Variants in DLEC1 observed in about 807,000 individuals in gnomAD.
DLEC1 encodes the protein deleted in lung and esophageal cancer protein 1.
DLEC1 carries 146 observed loss-of-function variants against 198.1 expected under a neutral mutation model. That is an observed-to-expected ratio of 0.74 (90% CI 0.64 to 0.85). The LOEUF is 0.85. Ranked by LOEUF, DLEC1 falls within the 40% of genes least tolerant of loss-of-function variation. DLEC1 has a pLI of 0.00. For missense variants in DLEC1, 2,233 were observed against 2,220.0 expected (o/e 1.01, Z -0.12); for synonymous variants, 897 against 866.8 (o/e 1.03, Z -0.61).
chr3:38,117,682 G>A, intron 32 of DLEC1, 71 bp downstream of exon 32: 1 of 1,608,168 alleles, frequency 6.2e-7, no homozygotes, highest in Non-Finnish European at 8.5e-7. Flanking sequence ...GCCCTTGTGG[G>A]ACTCAGGCCT....
At chr3:38,047,132 G>T (rs1312301564) in intron 2 of DLEC1, among the ~76,000 whole-genome samples, 1 of 152,192 alleles carries the variant, frequency 6.6e-6, no homozygotes, top group Non-Finnish European at 1.5e-5. Flanking sequence ...AATTATAATT[G>T]ATTAGCATTT....
Position 38,039,331 on chromosome 3 carries a change from C to A in DLEC1, c.106C>A (p.Pro36Thr), listed in dbSNP as rs781757550. The stretch of plus-strand genomic sequence containing the variant: ...TTCGCCACCAGCCGGGTCCAGCAGC[C>A]CCAGCCAGCCCACCTGGAAGTCCTC... ...PTSPPAGSSS[P>T]SQPTWKSSLY... Residue 36 changes from proline (P) to threonine (T), a missense_variant, in exon 1 of 37, where the codon CCC becomes ACC. Pro to Thr is a conservative substitution (Grantham distance 38). Transcript: ENST00000308059. 1 of 1,614,204 alleles carries A rather than the reference C, an allele frequency of 6.2e-7. No individual in the cohort carries two copies. Among genetic ancestry groups the A allele is most frequent in the South Asian group, 1.1e-5 (1 of 91,086 alleles).
intron 6 of DLEC1, among the ~76,000 whole-genome samples, chr3:38,079,935 A>T (rs1244651854): frequency 6.6e-6 from 1 of 152,110 alleles, no homozygotes; most frequent in Non-Finnish European, 1.5e-5. Flanking sequence ...GCTGGAATTT[A>T]ATTTTTGGAG....
chr3:38,076,116 G>C lies in DLEC1; in HGVS notation c.1174-8042G>C, dbSNP rs187851381. Reference sequence around the variant, plus strand: ...TCTCTACCAGAAAATGAAAGGAATTGAAATTAAGAGAAGGGAGAGATTGAA... The same window carrying C: ...TCTCTACCAGAAAATGAAAGGAATTCAAATTAAGAGAAGGGAGAGATTGAA... On this transcript the variant is annotated intron_variant, in intron 6 of 36. Transcript: ENST00000308059. Among the ~76,000 whole-genome samples the C allele has an allele frequency of 5.9e-3, 906 of 152,316 alleles. 6 individuals carry two copies. Among genetic ancestry groups the C allele is most frequent in the Non-Finnish European group, 0.011 (728 of 68,020 alleles).
intron 2 of DLEC1, among the ~76,000 whole-genome samples, chr3:38,050,596 C>T (rs1266900820): frequency 6.6e-6 from 1 of 151,912 alleles, no homozygotes; most frequent in East Asian, 1.9e-4. Context: ...TCACTCCCTG[C>T]CTGCCCCCAC....
At chr3:38,108,841 C>T (rs1459942697) in intron 21 of DLEC1, among the ~76,000 whole-genome samples, 1 of 152,238 alleles carries the variant, frequency 6.6e-6, no homozygotes, top group African/African-American at 2.4e-5. Context: ...AGATCCAGAG[C>T]AGAGCTGTTG....
chr3:38,045,601 C>T lies in DLEC1; in HGVS notation c.470C>T (p.Thr157Ile). The part of the protein sequence containing the change: ...DEFEMLERHI[T>I]QAQARAIAEN... ...TTTGAAATGTTGGAGAGACATATCA[C>T]TCAGGCCCAAGCACGGGCTATTGCG... The change falls in exon 2 of 37, where the codon ACT becomes ATT. Residue 157 changes from threonine (T) to isoleucine (I), a missense_variant. By Grantham distance (89) the Thr-to-Ile change is moderately conservative. Transcript: ENST00000308059. 1 of 1,614,144 alleles carries T rather than the reference C, an allele frequency of 6.2e-7. No individual in the cohort carries two copies. The highest frequency in any genetic ancestry group is 8.5e-7 in the Non-Finnish European group (1 of 1,180,020).
intron 35 of DLEC1, 69 bp from the exon 36 acceptor site, chr3:38,122,002 G>T: frequency 6.3e-7 from 1 of 1,591,344 alleles, no homozygotes; most frequent in Non-Finnish European, 8.6e-7. Flanking sequence ...CCCGGGGGTG[G>T]GTAAAGTCTT....
chr3:38,122,446 C>A lies in DLEC1; in HGVS notation c.*34C>A, dbSNP rs1475286820. The A allele has an allele frequency of 1.2e-6, 2 of 1,614,100 alleles. No homozygotes were observed. Among genetic ancestry groups the A allele is most frequent in the Non-Finnish European group, 1.7e-6 (2 of 1,180,018 alleles). ...CCCAGCCCTCAGCCCCAGGCCCCAG[C>A]TGGAGAAAAAACATTGCCCAGGGAT... On this transcript the variant is annotated 3_prime_UTR_variant, in exon 37 of 37. Transcript: ENST00000308059.
chr3:38,117,664 C>G (rs1483658811), intron 32 of DLEC1, 53 bp downstream of exon 32: 1 of 1,612,020 alleles, frequency 6.2e-7, no homozygotes, highest in Non-Finnish European at 8.5e-7. Flanking sequence ...CCTCAGATGT[C>G]TCTGTGTGCC....
Position 38,116,555 on chromosome 3 carries a change from C to A in DLEC1, c.3959C>A (p.Ala1320Asp). The change falls in exon 28 of 37, where the codon GCC becomes GAC. Residue 1320 changes from alanine to aspartate, a missense_variant. Transcript: ENST00000308059. ...YGPPFPLRDQ[A>D]GNELVCPDTP... The stretch of plus-strand genomic sequence containing the variant: ...CCACCTTTCCCGCTGCGGGACCAAG[C>A]CGGGAATGAGCTTGTGTGCCCTGAT... 1 of 1,614,128 alleles carries A rather than the reference C, an allele frequency of 6.2e-7. No individual in the cohort carries two copies. The highest frequency in any genetic ancestry group is 8.5e-7 in the Non-Finnish European group (1 of 1,180,000).
intron 23 of DLEC1, among the ~76,000 whole-genome samples, chr3:38,111,413 C>A (rs1699870160): frequency 6.6e-6 from 1 of 152,152 alleles, no homozygotes; most frequent in African/African-American, 2.4e-5. Flanking sequence ...TGCTTCAGAG[C>A]CCGCCTGGGT....
At position 38,100,307 on chromosome 3, in the gene DLEC1, C is replaced by G. The variant is rs1440100252; in HGVS notation, c.2746C>G (p.Pro916Ala). 5 of 1,612,738 alleles carry G rather than the reference C, an allele frequency of 3.1e-6. No individual in the cohort carries two copies. The highest frequency in any genetic ancestry group is 1.1e-5 in the South Asian group (1 of 90,906). Reference protein sequence around the residue: ...PEDVSPFDIEPSSGQLHSLGE... With the variant: ...PEDVSPFDIEASSGQLHSLGE... ...GCAGGTGTCTCCCTTCGACATTGAG[C>G]CTTCGAGTGGCCAGCTTCACTCTCT... Residue 916 changes from proline to alanine, a missense_variant, in exon 19 of 37, where the codon CCT (proline) becomes GCT (alanine). Pro to Ala is a conservative substitution (Grantham distance 27, BLOSUM62 -1). Transcript: ENST00000308059.
chr3:38,122,043 CAT>C (rs1481088587), intron 35 of DLEC1, 26 bp from the exon 36 acceptor site: 1 of 1,611,578 alleles, frequency 6.2e-7, no homozygotes. Flanking sequence ...TGCCTGCACT[CAT>C]GTGTCTTCCC....
chr3:38,071,969 T>C (rs1697343981), intron 6 of DLEC1, among the ~76,000 whole-genome samples: 1 of 152,140 alleles, frequency 6.6e-6, no homozygotes, highest in Non-Finnish European at 1.5e-5. Flanking sequence ...CAATGATAGA[T>C]GTGGAAGATA....
intron 1 of DLEC1, among the ~76,000 whole-genome samples, chr3:38,043,819 G>A (rs947111861): frequency 1.3e-5 from 2 of 151,992 alleles, no homozygotes; most frequent in African/African-American, 2.4e-5. Context: ...TCAGCCTACC[G>A]AATAGCTGGG....
At chr3:38,063,369 G>A (rs535960929) in intron 5 of DLEC1, among the ~76,000 whole-genome samples, 1 of 152,268 alleles carries the variant, frequency 6.6e-6, no homozygotes, top group East Asian at 1.9e-4. Context: ...AGGCGGAAGT[G>A]GAAGGATCAC....
chr3:38,103,627 G>A (rs1412864980), intron 19 of DLEC1: 1 of 152,214 alleles, frequency 6.6e-6, no homozygotes, highest in Non-Finnish European at 1.5e-5. Flanking sequence ...GCCTGTGTCA[G>A]CTTTGAATGT....
chr3:38,108,581 C>A, intron 21 of DLEC1, 66 bp downstream of exon 21: 1 of 1,299,490 alleles, frequency 7.7e-7, no homozygotes, highest in East Asian at 2.4e-5. Context: ...GCACCTGTGC[C>A]ACCAGGGAGG....
Sources: gnomAD v4.1 joint callset for allele counts (sites outside exome capture counted in the v4.1 genomes callset) on GRCh38, gnomAD v4.1.1 for gene constraint, MANE v1.5 for transcripts, NCBI Gene and HGNC (gene_info 2026-07-23, HGNC 2026-07-21) for gene names.